The following DCC variants were observed in gnomAD, a reference collection of about 807,000 sequenced individuals.
DCC encodes netrin receptor DCC.
In DCC, 58 loss-of-function variants were observed where a neutral mutation model predicts 172.5. That is an observed-to-expected ratio of 0.34 (90% confidence interval 0.27 to 0.42). The LOEUF is 0.42. DCC is among the 10% of genes least tolerant of loss of function. The pLI is 1.00. For missense variants in DCC, 1,740 were observed against 1,791.0 expected (o/e 0.97, Z 0.51); for synonymous variants, 709 against 644.5 (o/e 1.10, Z -1.52).
chr18:53,466,768 C>A (rs758684291), intron 24 of DCC, among the ~76,000 whole-genome samples: 7 of 152,066 alleles, frequency 4.6e-5, no homozygotes, highest in African/African-American at 1.4e-4. Context: ...TCAAGTGATC[C>A]GCCCACTTTG....
intron 27 of DCC, among the ~76,000 whole-genome samples, chr18:53,502,922 C>T (rs997317683): frequency 1.3e-5 from 2 of 151,860 alleles, no homozygotes; most frequent in Non-Finnish European, 2.9e-5. Flanking sequence ...TAAACGTGTG[C>T]CATGGTGGTT....
chr18:52,649,973 A>ATTTTTT (rs71175512), intron 1 of DCC, among the ~76,000 whole-genome samples: 10 of 106,918 alleles, frequency 9.4e-5, no homozygotes, highest in Non-Finnish European at 1.5e-4. Flanking sequence ...TGATAGTTCT[A>ATTTTTT]TTTTTTTTTT....
rs188103436 is a variant in DCC, at chr18:52,391,553, A to G, written c.91+50675A>G. ...TTTCTTTCTGAGATGAAGACAGGCT[A>G]TCTGGGTCTTTGTCCTGCTTTGAGC... is the stretch of plus-strand genomic sequence containing the variant. On this transcript the variant is annotated intron_variant, in intron 1 of 28. Transcript: ENST00000442544. Among the ~76,000 whole-genome samples the G allele has an allele frequency of 2.0e-3, 300 of 152,268 alleles. 1 individual carries two copies. Among genetic ancestry groups the G allele is most frequent in the African/African-American group, 6.9e-3 (285 of 41,578 alleles).
chr18:52,820,575 G>A (rs868167825), intron 2 of DCC, among the ~76,000 whole-genome samples: 32 of 152,096 alleles, frequency 2.1e-4, no homozygotes, highest in African/African-American at 7.7e-4. Flanking sequence ...ATTCAGATAG[G>A]CTACAGAATT....
Position 52,510,665 on chromosome 18 carries a change from C to T in DCC, c.91+169787C>T, listed in dbSNP as rs1434872587. On this transcript the variant is annotated intron_variant, in intron 1 of 28. Transcript: ENST00000442544. ...AACCTCTAATTAAGTCAGCTAATAT[C>T]ATGGAGTGTTAACAACAATATATTT... Among the ~76,000 whole-genome samples the T allele has an allele frequency of 7.2e-5, 11 of 152,248 alleles. No homozygotes were observed. The East Asian group carries it at 2.1e-3, about 30-fold the overall frequency.
chr18:52,576,161 A>C (rs62083387), intron 1 of DCC, among the ~76,000 whole-genome samples: 10,395 of 152,252 alleles, frequency 0.068, 447 homozygotes, highest in Middle Eastern at 0.11. Context: ...AAGATACCGG[A>C]AAAAGAAATC....
At chr18:52,876,816 C>G (rs903267043) in intron 2 of DCC, among the ~76,000 whole-genome samples, 1 of 148,030 alleles carries the variant, frequency 6.8e-6, no homozygotes, top group Non-Finnish European at 1.5e-5. Context: ...CATATCTCCC[C>G]TTTAAAATTG....
chr18:53,305,470 C>G, intron 12 of DCC, 108 bp from the exon 13 acceptor site: 1 of 904,642 alleles, frequency 1.1e-6, no homozygotes, highest in Admixed American at 1.8e-5. Flanking sequence ...ATCGCTAACA[C>G]TTCTTGCTTC....
At chr18:52,393,356 C>T (rs569307736) in intron 1 of DCC, among the ~76,000 whole-genome samples, 5 of 152,168 alleles carry the variant, frequency 3.3e-5, no homozygotes, top group South Asian at 2.1e-4. Context: ...TCCTCATCCT[C>T]GAATGACCTG....
chr18:53,427,811 T>C (rs1169845548), intron 21 of DCC, among the ~76,000 whole-genome samples: 2 of 125,884 alleles, frequency 1.6e-5, no homozygotes, highest in African/African-American at 5.7e-5. Context: ...AACAGAAATA[T>C]ATATAATATA....
Position 53,322,044 on chromosome 18 carries a change from T to C in DCC, c.2054-3T>C, listed in dbSNP as rs377542459. The C allele has an allele frequency of 1.6e-4, 249 of 1,561,738 alleles. No homozygotes were observed. The highest frequency in any genetic ancestry group is 1.9e-4 in the Non-Finnish European group (215 of 1,132,182). On this transcript the variant is annotated splice_region_variant and splice_polypyrimidine_tract_variant and intron_variant, in intron 13 of 28. Coordinates refer to ENST00000442544, the MANE Select transcript of DCC (RefSeq NM_005215.4). Reference sequence around the variant, plus strand: ...TTCCCCCCTGTGGAAAATTCTTTCATAGGACTGGAGAAAGGAAGTCAGTAC... The same window carrying C: ...TTCCCCCCTGTGGAAAATTCTTTCACAGGACTGGAGAAAGGAAGTCAGTAC...
rs1449250162 is a variant in DCC at position 53,308,747 on chromosome 18, C to T, written c.2053+3028C>T. On this transcript the variant is annotated intron_variant, in intron 13 of 28. Coordinates refer to ENST00000442544, the MANE Select transcript of DCC (RefSeq NM_005215.4). Reference sequence around the variant, plus strand: ...AAATCATTGAAAAAACGCAGTACGGCAACTATTAGCTTTCTCACCAGCAGA... The same window carrying T: ...AAATCATTGAAAAAACGCAGTACGGTAACTATTAGCTTTCTCACCAGCAGA... Among the ~76,000 whole-genome samples, 6 of 152,160 alleles carry T rather than the reference C, an allele frequency of 3.9e-5. No homozygotes were observed. The East Asian group carries it at 9.6e-4, about 24-fold the overall frequency.
At chr18:52,409,307 G>A (rs1986763499) in intron 1 of DCC, 1 of 152,102 alleles carries the variant, frequency 6.6e-6, no homozygotes, top group Admixed American at 6.6e-5. Flanking sequence ...TTGTGATTCA[G>A]AGTAGACTGC....
chr18:53,487,044 C>CAA, intron 26 of DCC, 86 bp downstream of exon 26: 1 of 1,562,578 alleles, frequency 6.4e-7, no homozygotes, highest in Non-Finnish European at 8.7e-7. Context: ...TGACCTTATC[C>CAA]CTTAGAAAAG....
intron 2 of DCC, among the ~76,000 whole-genome samples, chr18:52,753,421 T>C (rs1208865834): frequency 6.6e-6 from 1 of 152,204 alleles, no homozygotes; most frequent in Non-Finnish European, 1.5e-5. Flanking sequence ...TTACTACTTA[T>C]ATCTAAGGGA....
chr18:53,395,674 G>A (rs1009722317), intron 17 of DCC, among the ~76,000 whole-genome samples: 10 of 151,876 alleles, frequency 6.6e-5, no homozygotes, highest in African/African-American at 1.9e-4. Flanking sequence ...ATGGAGTCTC[G>A]CTCTGTGGTC....
intron 2 of DCC, among the ~76,000 whole-genome samples, chr18:52,874,266 C>T (rs940372294): frequency 6.6e-6 from 1 of 152,064 alleles, no homozygotes; most frequent in Non-Finnish European, 1.5e-5. Flanking sequence ...CTTTTAATGA[C>T]AGACAAAGAA....
intron 1 of DCC, among the ~76,000 whole-genome samples, chr18:52,494,367 T>G (rs970587648): frequency 1.3e-5 from 2 of 151,674 alleles, no homozygotes; most frequent in African/African-American, 4.8e-5. Flanking sequence ...GATGTGAGAG[T>G]TGATGTCATT....
intron 5 of DCC, among the ~76,000 whole-genome samples, chr18:53,034,488 A>C (rs982810222): frequency 6.6e-6 from 1 of 151,974 alleles, no homozygotes; most frequent in African/African-American, 2.4e-5. Context: ...AATCCCATTG[A>C]CTCTAATTTC....
Sources: gnomAD v4.1 joint callset for allele counts (sites outside exome capture counted in the v4.1 genomes callset) on GRCh38, gnomAD v4.1.1 for gene constraint, MANE v1.5 for transcripts, NCBI Gene and HGNC (gene_info 2026-07-23, HGNC 2026-07-21) for gene names.